The following SYN2 variants were observed in gnomAD, a reference collection of about 807,000 sequenced individuals.
The protein encoded by SYN2 is synapsin-2.
Under a neutral mutation model 50.9 loss-of-function variants are expected in SYN2, and 19 were observed. That is an observed-to-expected ratio of 0.37 (90% CI 0.26 to 0.55). The LOEUF is 0.55. SYN2 is among the 20% of genes least tolerant of loss of function. The pLI is 0.81. For missense variants in SYN2, 587 were observed against 576.4 expected (o/e 1.02, Z -0.19); for synonymous variants, 255 against 224.9 (o/e 1.13, Z -1.20).
chr3:12,010,369 C>G (rs866833543), intron 1 of SYN2, among the ~76,000 whole-genome samples: 4 of 152,142 alleles, frequency 2.6e-5, no homozygotes, highest in Admixed American at 6.5e-5. Context: ...CATACCTCCT[C>G]AAATTTACAA....
chr3:12,083,007 ATTC>A (rs1311697140), intron 1 of SYN2, among the ~76,000 whole-genome samples: 5 of 151,900 alleles, frequency 3.3e-5, no homozygotes, highest in African/African-American at 9.7e-5. Context: ...ATATTTAACC[ATTC>A]TTCTTCTTAT....
At chr3:12,130,450 A>G (rs1420621385) in intron 1 of SYN2, among the ~76,000 whole-genome samples, 1 of 152,128 alleles carries the variant, frequency 6.6e-6, no homozygotes, top group Admixed American at 6.5e-5. Context: ...TCCTTGCTTG[A>G]AGACAGGGAG....
At chr3:12,036,518 T>C (rs180817291) in intron 1 of SYN2, among the ~76,000 whole-genome samples, 9 of 152,290 alleles carry the variant, frequency 5.9e-5, no homozygotes. Flanking sequence ...TGAGGAACAC[T>C]GTACTGGCAT....
At chr3:12,054,435 C>T (rs551057016) in intron 1 of SYN2, among the ~76,000 whole-genome samples, 1 of 152,168 alleles carries the variant, frequency 6.6e-6, no homozygotes, top group Non-Finnish European at 1.5e-5. Flanking sequence ...GAAGGTTTAA[C>T]TACATGAGTC....
At chr3:12,086,909 A>T (rs1289760191) in intron 1 of SYN2, among the ~76,000 whole-genome samples, 1 of 152,160 alleles carries the variant, frequency 6.6e-6, no homozygotes, top group African/African-American at 2.4e-5. Context: ...ATAGAAAAGG[A>T]GGAAGGGAAA....
At chr3:12,041,241 A>G (rs1002000226) in intron 1 of SYN2, among the ~76,000 whole-genome samples, 1 of 152,182 alleles carries the variant, frequency 6.6e-6, no homozygotes, top group African/African-American at 2.4e-5. Flanking sequence ...TCCCAGAGGA[A>G]GAGCTGTCCA....
intron 1 of SYN2, among the ~76,000 whole-genome samples, chr3:12,137,548 G>A (rs1696921168): frequency 1.3e-5 from 2 of 152,114 alleles, no homozygotes; most frequent in East Asian, 1.9e-4. Flanking sequence ...GAAATCTAAT[G>A]TGCTCACCAA....
intron 1 of SYN2, among the ~76,000 whole-genome samples, chr3:12,066,163 T>C (rs998775384): frequency 6.6e-6 from 1 of 152,116 alleles, no homozygotes; most frequent in Non-Finnish European, 1.5e-5. Flanking sequence ...ACTAAGGAAA[T>C]CTGGATAAAG....
At chr3:12,043,034 T>C (rs573018202) in intron 1 of SYN2, among the ~76,000 whole-genome samples, 1 of 151,964 alleles carries the variant, frequency 6.6e-6, no homozygotes, top group Admixed American at 6.6e-5. Flanking sequence ...CTTTTTTTTT[T>C]TTTTGTGAGA....
chr3:12,155,163 G>T (rs35839040), intron 5 of SYN2, among the ~76,000 whole-genome samples: 2 of 151,904 alleles, frequency 1.3e-5, no homozygotes, highest in Non-Finnish European at 2.9e-5. Context: ...AACCTCAGTC[G>T]CTCAATCATT....
intron 1 of SYN2, among the ~76,000 whole-genome samples, chr3:12,023,107 G>A (rs1694180692): frequency 6.6e-6 from 1 of 152,090 alleles, no homozygotes; most frequent in Admixed American, 6.5e-5. Flanking sequence ...GTCCTTATAT[G>A]TTAAATGTGG....
chr3:12,026,940 T>A (rs555083427), intron 1 of SYN2, among the ~76,000 whole-genome samples: 1 of 152,330 alleles, frequency 6.6e-6, no homozygotes, highest in South Asian at 2.1e-4. Context: ...AGTTAGAGCC[T>A]TGGTGACTTG....
intron 7 of SYN2, among the ~76,000 whole-genome samples, chr3:12,164,520 G>A (rs1259668573): frequency 6.6e-6 from 1 of 152,158 alleles, no homozygotes; most frequent in Admixed American, 6.6e-5. Context: ...CTTAGCAGTA[G>A]CCAAGATTAG....
chr3:12,057,943 C>T (rs1451947704), intron 1 of SYN2, among the ~76,000 whole-genome samples: 1 of 152,158 alleles, frequency 6.6e-6, no homozygotes, highest in East Asian at 1.9e-4. Context: ...GGTCCTCTAT[C>T]TGCATCAAAA....
intron 1 of SYN2, among the ~76,000 whole-genome samples, chr3:12,060,172 G>A (rs1206807689): frequency 5.3e-5 from 8 of 152,132 alleles, no homozygotes; most frequent in Admixed American, 3.9e-4. Context: ...TGGGCTAGCT[G>A]GAGATTGAGA....
intron 4 of SYN2, among the ~76,000 whole-genome samples, chr3:12,150,215 C>T (rs1314256854): frequency 1.3e-5 from 2 of 152,176 alleles, no homozygotes; most frequent in Admixed American, 6.5e-5. Flanking sequence ...CCAGTGGCTT[C>T]GAGTGTGAAC....
intron 1 of SYN2, among the ~76,000 whole-genome samples, chr3:12,094,816 C>A (rs1465903726): frequency 6.6e-6 from 1 of 152,228 alleles, no homozygotes; most frequent in East Asian, 1.9e-4. Flanking sequence ...TCATCTTGAA[C>A]ACTTGAGAAG....
At chr3:12,176,901 C>T (rs1335565463) in intron 10 of SYN2, among the ~76,000 whole-genome samples, 2 of 152,066 alleles carry the variant, frequency 1.3e-5, no homozygotes, top group Admixed American at 6.5e-5. Flanking sequence ...AAACGGCATG[C>T]GGCTGCCACA....
At chr3:12,027,864 T>C (rs1165712581) in intron 1 of SYN2, among the ~76,000 whole-genome samples, 1 of 151,952 alleles carries the variant, frequency 6.6e-6, no homozygotes, top group Non-Finnish European at 1.5e-5. Context: ...TAGGCATCAA[T>C]GTCAGGAAAG....
Sources: allele counts gnomAD v4.1 joint callset (sites outside exome capture counted in the v4.1 genomes callset), GRCh38; gene constraint gnomAD v4.1.1; transcripts MANE v1.5; gene names NCBI Gene and HGNC (gene_info 2026-07-23, HGNC 2026-07-21).